HYDIN: variants seen among roughly 807,000 people sequenced by gnomAD.
HYDIN encodes the protein axonemal central pair apparatus protein HYDIN.
In HYDIN, 132 loss-of-function variants were observed where a neutral mutation model predicts 403.9. The ratio of observed to expected loss-of-function variants is 0.33; its 90% CI spans 0.28 to 0.38. HYDIN has a LOEUF of 0.38. Ranked by LOEUF, HYDIN falls within the 10% of genes least tolerant of loss-of-function variation. HYDIN has a pLI of 1.00. For missense variants in HYDIN, 2,827 were observed against 5,009.5 expected (o/e 0.56, Z 13.15); for synonymous variants, 1,202 against 1,891.7 (o/e 0.64, Z 9.46).
chr16:71,108,429 A>C (rs2083696992), intron 10 of HYDIN, among the ~76,000 whole-genome samples: 1 of 152,218 alleles, frequency 6.6e-6, no homozygotes, highest in Admixed American at 6.5e-5. Context: ...TATGATTGGG[A>C]AGGAACACAC....
At chr16:71,223,702 T>C (rs1027535438) in intron 1 of HYDIN, among the ~76,000 whole-genome samples, 13 of 150,630 alleles carry the variant, frequency 8.6e-5, no homozygotes, top group Non-Finnish European at 7.4e-5. Flanking sequence ...AAAGAAAATA[T>C]ACAAACAGCC....
chr16:70,954,187 C>T (rs1036602043), intron 40 of HYDIN, among the ~76,000 whole-genome samples: 3 of 61,904 alleles, frequency 4.8e-5, no homozygotes, highest in African/African-American at 1.9e-4. Flanking sequence ...CCCCACTATG[C>T]GATTCCAAAA....
At chr16:71,202,939 T>C (rs2088095166) in intron 1 of HYDIN, among the ~76,000 whole-genome samples, 1 of 152,176 alleles carries the variant, frequency 6.6e-6, no homozygotes, top group Non-Finnish European at 1.5e-5. Context: ...TCTGCTCTGA[T>C]TGGTCTTGGG....
intron 1 of HYDIN, among the ~76,000 whole-genome samples, chr16:71,226,528 G>C (rs1387412807): frequency 2.0e-5 from 3 of 152,140 alleles, no homozygotes; most frequent in African/African-American, 7.2e-5. Context: ...TTAGGCCAAA[G>C]GTTTTTAGAT....
At chr16:70,926,336 T>A (rs1323012987) in intron 45 of HYDIN, among the ~76,000 whole-genome samples, 2 of 151,882 alleles carry the variant, frequency 1.3e-5, no homozygotes, top group Admixed American at 6.6e-5. Flanking sequence ...TTGGAAATCA[T>A]CATTCTCAGT....
intron 37 of HYDIN, among the ~76,000 whole-genome samples, chr16:70,963,844 T>C (rs1438745947): frequency 6.9e-6 from 1 of 145,866 alleles, no homozygotes; most frequent in Non-Finnish European, 1.5e-5. Flanking sequence ...TTGGGCACTA[T>C]TGGGTCTACT....
chr16:71,195,352 CAT>C (rs1010715623), intron 1 of HYDIN, among the ~76,000 whole-genome samples: 2 of 152,080 alleles, frequency 1.3e-5, no homozygotes, highest in African/African-American at 4.8e-5. Context: ...AAACTGTTCA[CAT>C]GTCTTCAACT....
intron 21 of HYDIN, among the ~76,000 whole-genome samples, chr16:71,020,735 G>A (rs1392144874): frequency 1.3e-5 from 2 of 150,732 alleles, no homozygotes; most frequent in Non-Finnish European, 3.0e-5. Flanking sequence ...CTTGAACCCA[G>A]GAGGCAGAGG....
chr16:70,950,716 C>T (rs2078039322), intron 41 of HYDIN, among the ~76,000 whole-genome samples: 1 of 152,114 alleles, frequency 6.6e-6, no homozygotes, highest in Admixed American at 6.5e-5. Flanking sequence ...ACCTCCCCCA[C>T]TGTCCCTATA....
intron 1 of HYDIN, among the ~76,000 whole-genome samples, chr16:71,215,890 A>T (rs1361619905): frequency 6.6e-6 from 1 of 151,342 alleles, no homozygotes; most frequent in East Asian, 1.9e-4. Context: ...CCAAACTAAT[A>T]AAAAAACAGG....
intron 1 of HYDIN, among the ~76,000 whole-genome samples, chr16:71,224,845 G>C (rs1452183493): frequency 6.6e-6 from 1 of 152,158 alleles, no homozygotes; most frequent in African/African-American, 2.4e-5. Flanking sequence ...ACAGGCGTGA[G>C]CCACCGCGCC....
At chr16:71,011,689 C>T (rs939230724) in intron 23 of HYDIN, among the ~76,000 whole-genome samples, 1 of 152,116 alleles carries the variant, frequency 6.6e-6, no homozygotes, top group African/African-American at 2.4e-5. Flanking sequence ...TGTGCCACTG[C>T]ACTCCAGCCT....
In HYDIN at chr16:70,985,286, T is replaced by C. The variant is rs1255472225; in HGVS notation, c.4231A>G (p.Thr1411Ala). ...TCAAAGCCAACTTTCCCCATGTTCG[T>C]CAGCGTGATTTCCCTCTCTGTGACA... ...DHVTEREITL[T>A]NMGKVGFEFK... The change falls in exon 28 of 86, where the codon ACG becomes GCG. Residue 1411 changes from threonine to alanine, a missense_variant. By Grantham distance (58) the Thr-to-Ala change is moderately conservative. Transcript: ENST00000393567. The C allele has an allele frequency of 1.3e-6, 2 of 1,523,952 alleles. No individual in the cohort carries two copies. The highest frequency in any genetic ancestry group is 3.5e-5 in the Admixed American group (2 of 57,434). 94.4% of individuals were successfully genotyped at this position (1,523,952 alleles called of 1,614,324 possible). A position where few individuals can be genotyped will look rare whatever the true frequency, so the allele number is the denominator to read the frequency against.
intron 58 of HYDIN, among the ~76,000 whole-genome samples, chr16:70,886,559 T>C (rs1419778011): frequency 1.3e-5 from 2 of 152,248 alleles, no homozygotes; most frequent in Non-Finnish European, 1.5e-5. Flanking sequence ...TGTTATTTAC[T>C]TTTTGTTTTG....
intron 1 of HYDIN, among the ~76,000 whole-genome samples, chr16:71,197,340 G>A (rs1023258555): frequency 3.3e-5 from 5 of 152,048 alleles, no homozygotes; most frequent in African/African-American, 9.7e-5. Flanking sequence ...TCAGTGATAC[G>A]GTTACTAGCA....
intron 19 of HYDIN, chr16:71,031,312 T>A: frequency 3.5e-6 from 1 of 287,422 alleles, no homozygotes; most frequent in East Asian, 1.2e-4. Flanking sequence ...ACCACTAAGC[T>A]GTATCTGTAT....
chr16:71,196,768 G>A lies in HYDIN; in HGVS notation c.-23-9850C>T, dbSNP rs370792708. 4.1e-4 allele frequency among the ~76,000 whole-genome samples: 62 copies of A among 152,272 alleles called. 1 individual carries two copies. The South Asian group carries it at 0.011, about 27-fold the overall frequency. On this transcript the variant is annotated intron_variant, in intron 1 of 85. Transcript: ENST00000393567. Reference sequence around the variant, plus strand: ...GCCAGCTAAAACCCACCAAAACCAAGATGGTGATGAGAGTGACCTCTGGTT... The same window carrying A: ...GCCAGCTAAAACCCACCAAAACCAAAATGGTGATGAGAGTGACCTCTGGTT...
rs1159259739 is a variant in HYDIN, at chr16:71,098,199, CTTTCTT to C, written c.1328-4270_1328-4265del. ...TACTCTAAACTATAGATAAAACTTT[CTTTCTT>C]TTTTTTTTTTTTTTGAGATGGAGTC... On this transcript the variant is annotated intron_variant, in intron 10 of 85. Coordinates refer to ENST00000393567, the MANE Select transcript of HYDIN (RefSeq NM_001270974.2). 3.0e-5 allele frequency among the ~76,000 whole-genome samples: 4 copies of C among 133,086 alleles called. No individual in the cohort carries two copies. The East Asian group carries it at 6.9e-4, about 23-fold the overall frequency. 87.3% of individuals were successfully genotyped at this position (133,086 alleles called of 152,430 possible).
chr16:71,175,623 G>A lies in HYDIN; in HGVS notation c.500C>T (p.Thr167Ile), dbSNP rs777768503. Residue 167 changes from threonine to isoleucine, a missense_variant, in exon 5 of 86, where the codon ACT (threonine) becomes ATT (isoleucine). Physicochemically the swap from Thr to Ile is moderately conservative, Grantham distance 89. Transcript: ENST00000393567. ...TGGTATTACCTTGTTCTCCTCTGGA[G>A]TAAAGAGGATTCGGAATATGGAAGG... ...GVPSIFRILF[T>I]PEENKDYAHT... The A allele has an allele frequency of 6.2e-7, 1 of 1,614,038 alleles. No individual in the cohort carries two copies. Among genetic ancestry groups the A allele is most frequent in the South Asian group, 1.1e-5 (1 of 91,084 alleles).
Sources: gnomAD v4.1 joint callset for allele counts (sites outside exome capture counted in the v4.1 genomes callset) on GRCh38, gnomAD v4.1.1 for gene constraint, MANE v1.5 for transcripts, NCBI Gene and HGNC (gene_info 2026-07-23, HGNC 2026-07-21) for gene names.